The following DCLK1 variants were observed in gnomAD, a reference collection of about 807,000 sequenced individuals.
DCLK1 encodes the protein serine/threonine-protein kinase DCLK1.
A neutral mutation model predicts 86.2 loss-of-function variants in DCLK1; 16 were observed. The observed-to-expected ratio is 0.19, with a 90% CI of 0.13 to 0.28. The LOEUF is 0.28. Among genes scored for constraint, DCLK1 ranks in the 10% least tolerant of loss-of-function variants. The pLI, the probability that DCLK1 is intolerant of heterozygous loss-of-function variation, is 1.00. For missense variants in DCLK1, 590 were observed against 940.2 expected (o/e 0.63, Z 4.87); for synonymous variants, 369 against 370.5 (o/e 1.00, Z 0.05).
intron 3 of DCLK1, among the ~76,000 whole-genome samples, chr13:36,066,387 G>A (rs1203417918): frequency 6.6e-6 from 1 of 152,170 alleles, no homozygotes; most frequent in African/African-American, 2.4e-5. Context: ...GCTGTAAAAT[G>A]AGTCTAAATG....
chr13:35,841,456 C>T (rs1652504754), intron 6 of DCLK1, among the ~76,000 whole-genome samples: 1 of 151,756 alleles, frequency 6.6e-6, no homozygotes, highest in Non-Finnish European at 1.5e-5. Flanking sequence ...ATGCTTGTCA[C>T]AATGCCAGCT....
At chr13:35,957,368 C>T (rs1171027172) in intron 3 of DCLK1, among the ~76,000 whole-genome samples, 2 of 152,134 alleles carry the variant, frequency 1.3e-5, no homozygotes, top group African/African-American at 2.4e-5. Context: ...TCTTACTCAA[C>T]ATGCACACAA....
At chr13:35,868,509 G>C (rs1872020708) in intron 5 of DCLK1, among the ~76,000 whole-genome samples, 1 of 152,170 alleles carries the variant, frequency 6.6e-6, no homozygotes, top group Non-Finnish European at 1.5e-5. Context: ...AGAGGAAGAA[G>C]ATAGGAAAGG....
chr13:35,786,546 G>C (rs1324509814), intron 16 of DCLK1, among the ~76,000 whole-genome samples: 1 of 152,164 alleles, frequency 6.6e-6, no homozygotes, highest in Non-Finnish European at 1.5e-5. Context: ...TGGGGTGCTA[G>C]GAATGTTCTG....
intron 2 of DCLK1, among the ~76,000 whole-genome samples, chr13:36,116,090 C>A (rs1885776179): frequency 6.6e-6 from 1 of 151,844 alleles, no homozygotes; most frequent in East Asian, 2.0e-4. Flanking sequence ...GCTGGGATTA[C>A]AGGCATGCAC....
At chr13:35,904,169 A>T (rs1874547693) in intron 4 of DCLK1, among the ~76,000 whole-genome samples, 1 of 152,144 alleles carries the variant, frequency 6.6e-6, no homozygotes, top group African/African-American at 2.4e-5. Context: ...ATCATACAAC[A>T]TTTTCAGTAG....
intron 6 of DCLK1, chr13:35,849,227 A>G: frequency 2.0e-6 from 2 of 985,384 alleles, no homozygotes; most frequent in South Asian, 4.7e-5. Flanking sequence ...GTAACTATAA[A>G]CCAGATGGTA....
chr13:36,017,379 A>T (rs925765992), intron 3 of DCLK1, among the ~76,000 whole-genome samples: 1 of 152,190 alleles, frequency 6.6e-6, no homozygotes, highest in Non-Finnish European at 1.5e-5. Context: ...AGAATGTAAC[A>T]CAACTGGGAA....
chr13:35,872,087 T>C (rs1872310771), intron 4 of DCLK1, among the ~76,000 whole-genome samples: 1 of 152,230 alleles, frequency 6.6e-6, no homozygotes, highest in Non-Finnish European at 1.5e-5. Context: ...ATTTCTCTCT[T>C]AGTGAGCTCC....
At chr13:35,949,045 G>T (rs1195108750) in intron 3 of DCLK1, among the ~76,000 whole-genome samples, 3 of 152,080 alleles carry the variant, frequency 2.0e-5, no homozygotes, top group African/African-American at 7.2e-5. Flanking sequence ...TTCATTTACA[G>T]AAAGTATTTA....
intron 6 of DCLK1, among the ~76,000 whole-genome samples, chr13:35,852,261 A>G (rs1222448881): frequency 6.6e-6 from 1 of 152,142 alleles, no homozygotes; most frequent in East Asian, 1.9e-4. Flanking sequence ...GTTTTTAGGG[A>G]TCTTCTAGGC....
At chr13:35,808,176 C>A in intron 14 of DCLK1, 48 bp downstream of exon 14, 1 of 1,513,990 alleles carries the variant, frequency 6.6e-7, no homozygotes, top group Non-Finnish European at 9.2e-7. Flanking sequence ...AAAATAATTC[C>A]GTTAAGACAC....
At chr13:36,126,220 TTTTTG>T in intron 1 of DCLK1, 64 bp from the exon 2 acceptor site, 9 of 1,201,192 alleles carry the variant, frequency 7.5e-6, no homozygotes, top group Admixed American at 4.0e-5. Flanking sequence ...TATATATATT[TTTTTG>T]TTTTTGTTTT....
intron 6 of DCLK1, among the ~76,000 whole-genome samples, chr13:35,842,591 G>A (rs996619588): frequency 1.3e-5 from 2 of 152,054 alleles, no homozygotes; most frequent in African/African-American, 2.4e-5. Flanking sequence ...AGAAGGATAG[G>A]GTTTTCTTTC....
chr13:35,937,920 T>C (rs1876853362), intron 4 of DCLK1, among the ~76,000 whole-genome samples: 1 of 152,072 alleles, frequency 6.6e-6, no homozygotes, highest in Non-Finnish European at 1.5e-5. Flanking sequence ...GAGGCTCTTT[T>C]AGGATAGGAG....
At chr13:35,828,904 C>T (rs1333274130) in intron 8 of DCLK1, among the ~76,000 whole-genome samples, 1 of 152,188 alleles carries the variant, frequency 6.6e-6, no homozygotes, top group South Asian at 2.1e-4. Flanking sequence ...AAGCACTCCA[C>T]GCTCTTTAGA....
intron 3 of DCLK1, among the ~76,000 whole-genome samples, chr13:36,107,367 G>T (rs1593896453): frequency 8.2e-6 from 1 of 121,604 alleles, no homozygotes. Flanking sequence ...TTTTTGAGAC[G>T]GGGTCTCACT....
intron 4 of DCLK1, among the ~76,000 whole-genome samples, chr13:35,920,435 G>A (rs1875729935): frequency 6.6e-6 from 1 of 152,212 alleles, no homozygotes; most frequent in Non-Finnish European, 1.5e-5. Flanking sequence ...TGTTTCAAGT[G>A]TAAAATGAAT....
chr13:36,118,785 C>G (rs746828783), intron 2 of DCLK1, among the ~76,000 whole-genome samples: 1 of 152,126 alleles, frequency 6.6e-6, no homozygotes, highest in Non-Finnish European at 1.5e-5. Flanking sequence ...ATAAACAACA[C>G]ACATTTATTT....
Sources: allele counts gnomAD v4.1 joint callset (sites outside exome capture counted in the v4.1 genomes callset), GRCh38; gene constraint gnomAD v4.1.1; transcripts MANE v1.5; gene names NCBI Gene and HGNC (gene_info 2026-07-23, HGNC 2026-07-21).